The following COL17A1 variants were observed in gnomAD, a reference collection of about 807,000 sequenced individuals.
The protein encoded by COL17A1 is collagen alpha-1(XVII) chain.
COL17A1 carries 181 observed loss-of-function variants against 218.4 expected under a neutral mutation model. That is an observed-to-expected ratio of 0.83 (90% confidence interval 0.73 to 0.94). The LOEUF (loss-of-function observed/expected upper bound fraction) is 0.94, where lower values mean the gene tolerates loss of function less well. COL17A1 is among the 40% of genes least tolerant of loss of function. The probability of loss-of-function intolerance (pLI) is 0.00; values close to 1 mark genes in which losing one functional copy is unlikely to be tolerated. For missense variants in COL17A1, 1,924 were observed against 1,945.9 expected, an observed-to-expected ratio of 0.99 and a Z score of 0.21; for synonymous variants, 721 against 731.0, an observed-to-expected ratio of 0.99 and a Z score of 0.22.
intron 18 of COL17A1, 136 bp from the exon 19 acceptor site, chr10:104,055,537 T>C (rs2086514358): frequency 7.0e-7 from 1 of 1,427,262 alleles, no homozygotes; most frequent in Non-Finnish European, 9.6e-7. Context: ...AGAGATCAGA[T>C]TCTAAATTTG....
intron 24 of COL17A1, 152 bp from the exon 25 acceptor site, chr10:104,051,668 T>C: frequency 2.2e-6 from 2 of 924,936 alleles, no homozygotes; most frequent in Non-Finnish European, 1.7e-6. Context: ...CCAGTGCATG[T>C]CCTCCTTAGG....
At chr10:104,047,271 T>C (rs1254399018) in intron 31 of COL17A1, among the ~76,000 whole-genome samples, 1 of 150,906 alleles carries the variant, frequency 6.6e-6, no homozygotes, top group Non-Finnish European at 1.5e-5. Context: ...GTGGAGACTC[T>C]AACAATGGCT....
chr10:104,042,349 C>G (rs1174169255), intron 36 of COL17A1, 71 bp downstream of exon 36: 9 of 1,504,184 alleles, frequency 6.0e-6, no homozygotes, highest in African/African-American at 1.4e-5. Flanking sequence ...CAGAGAGGCC[C>G]ATGTCCACCC....
intron 32 of COL17A1, among the ~76,000 whole-genome samples, chr10:104,046,072 A>G (rs929710346): frequency 2.0e-5 from 3 of 152,158 alleles, no homozygotes; most frequent in African/African-American, 7.2e-5. Context: ...GTTATGAGCC[A>G]CCTGGAGCCT....
At position 104,037,654 on chromosome 10, in the gene COL17A1, C is replaced by T. The variant is rs567623265; in HGVS notation, c.3190G>A (p.Val1064Ile). The change falls in exon 46 of 56, where the codon GTT becomes ATT. Residue 1064 changes from valine (V) to isoleucine (I), a missense_variant. Physicochemically the swap from Val to Ile is conservative, Grantham distance 29. Transcript: ENST00000648076. ...TFDYSELASH[V>I]VSYLRTSGYG... ...GGCTTACTCCGTAAGTAGCTCACAA[C>T]GTGGCTTGCCAGCTCTGAGTAGTCG... 1.7e-4 allele frequency: 271 copies of T among 1,614,206 alleles called. 1 individual carries two copies. The South Asian group carries it at 2.7e-3, about 16-fold the overall frequency.
At chr10:104,043,464 A>G in intron 35 of COL17A1, 37 bp downstream of exon 35, 2 of 1,574,360 alleles carry the variant, frequency 1.3e-6, no homozygotes, top group Non-Finnish European at 1.7e-6. Flanking sequence ...GCCAAGACCT[A>G]TTGCTGATTT....
intron 52 of COL17A1, 128 bp downstream of exon 52, chr10:104,033,817 G>T: frequency 7.0e-7 from 1 of 1,420,150 alleles, no homozygotes; most frequent in Non-Finnish European, 9.7e-7. Context: ...GGGGCTGCCT[G>T]TCCCCTCCAG....
At position 104,061,416 on chromosome 10, in the gene COL17A1, G is replaced by T; in HGVS notation, c.968C>A (p.Ser323Tyr). Residue 323 changes from serine (S) to tyrosine (Y), a missense_variant, in exon 13 of 56, where the codon TCC (serine) becomes TAC (tyrosine). Ser to Tyr is a moderately radical substitution (Grantham distance 144). Coordinates refer to ENST00000648076, the MANE Select transcript of COL17A1 (RefSeq NM_000494.4). The part of the protein sequence containing the change: ...QSPAAVNTGV[S>Y]TSAACTTSVQ... Reference sequence around the variant, plus strand: ...GGAGCAGCACTCACCGGCGGAGGTGGAAACGCCAGTGTTCACAGCCGCAGG... The same window carrying T: ...GGAGCAGCACTCACCGGCGGAGGTGTAAACGCCAGTGTTCACAGCCGCAGG... 1 of 1,613,480 alleles carries T rather than the reference G, an allele frequency of 6.2e-7. No individual in the cohort carries two copies.
intron 19 of COL17A1, 111 bp from the exon 20 acceptor site, chr10:104,055,118 G>A (rs888774391): frequency 6.4e-7 from 1 of 1,554,644 alleles, no homozygotes; most frequent in Middle Eastern, 1.7e-4. Context: ...TTCAAGGTGA[G>A]GCGACATGCG....
intron 27 of COL17A1, 39 bp downstream of exon 27, chr10:104,050,582 C>T (rs371620314): frequency 1.8e-4 from 285 of 1,612,360 alleles, no homozygotes; most frequent in Non-Finnish European, 2.2e-4. Context: ...AGGAGTGAGG[C>T]AGGCCCTGGT....
At chr10:104,034,892 A>C in intron 50 of COL17A1, 125 bp from the exon 51 acceptor site, 1 of 1,180,218 alleles carries the variant, frequency 8.5e-7, no homozygotes, top group Non-Finnish European at 1.2e-6. Flanking sequence ...CTCCCGGGTG[A>C]TGGGAGGAGA....
intron 50 of COL17A1, 147 bp downstream of exon 50, chr10:104,035,116 G>T: frequency 1.3e-6 from 1 of 767,428 alleles, no homozygotes. Flanking sequence ...AAGGCCCCTT[G>T]CCAGCACATG....
At chr10:104,061,509 G>A (rs968010222) in intron 12 of COL17A1, 36 bp from the exon 13 acceptor site, 2 of 1,598,474 alleles carry the variant, frequency 1.3e-6, no homozygotes, top group South Asian at 1.1e-5. Flanking sequence ...ATGGGAGGGT[G>A]GTTCCAGGTG....
intron 40 of COL17A1, 138 bp from the exon 41 acceptor site, chr10:104,040,137 C>T (rs2086343793): frequency 9.3e-7 from 1 of 1,073,876 alleles, no homozygotes; most frequent in African/African-American, 1.6e-5. Context: ...TCTCCTCTCA[C>T]TAGGCCAATG....
Position 104,034,080 on chromosome 10 carries a change from T to C in COL17A1, c.4021A>G (p.Ile1341Val), listed in dbSNP as rs375362080. ...AGDRGPYGTD[I>V]GPGGGYGAAA... ...GCCCCATAGCCTCCGCCTGGGCCGATGTCAGTGCCATAGGGACCCCTGTCT... is the reference window on the plus strand; with the variant it reads ...GCCCCATAGCCTCCGCCTGGGCCGACGTCAGTGCCATAGGGACCCCTGTCT... Residue 1341 changes from isoleucine (I) to valine (V), a missense_variant, in exon 52 of 56, where the codon ATC becomes GTC. Transcript: ENST00000648076. 2 of 1,614,012 alleles carry C rather than the reference T, an allele frequency of 1.2e-6. No homozygotes were observed. Among genetic ancestry groups the C allele is most frequent in the African/African-American group, 2.7e-5 (2 of 74,938 alleles).
rs1328222121 is a variant in COL17A1, at chr10:104,037,132, C to T, written c.3209-19G>A. On this transcript the variant is annotated intron_variant, in intron 46 of 55. Transcript: ENST00000648076. Reference sequence around the variant, plus strand: ...CCCGAAGCTGTCGGGAAGAAAACCTCAGGTTACCTGCTTAGCAGGTACTGA... The same window carrying T: ...CCCGAAGCTGTCGGGAAGAAAACCTTAGGTTACCTGCTTAGCAGGTACTGA... The T allele has an allele frequency of 1.9e-6, 3 of 1,594,808 alleles. No individual in the cohort carries two copies. The highest frequency in any genetic ancestry group is 2.6e-6 in the Non-Finnish European group (3 of 1,170,408).
At chr10:104,040,071 G>A (rs1304790847) in intron 40 of COL17A1, 72 bp from the exon 41 acceptor site, 6 of 1,534,070 alleles carry the variant, frequency 3.9e-6, no homozygotes, top group Non-Finnish European at 5.4e-6. Flanking sequence ...GCCCATGGAG[G>A]AGGGGATAGG....
At chr10:104,049,514 G>C (rs1222417187) in intron 28 of COL17A1, 43 bp from the exon 29 acceptor site, 1 of 1,596,720 alleles carries the variant, frequency 6.3e-7, no homozygotes, top group Non-Finnish European at 8.6e-7. Flanking sequence ...CTTGCAAGCT[G>C]TGTATGCTTT....
Position 104,039,755 on chromosome 10 carries a change from A to T in COL17A1, c.2789-115T>A. On this transcript the variant is annotated intron_variant, in intron 41 of 55. Transcript: ENST00000648076. ...GGGGCTGCGTTGCCCTTTGGGCAGT[A>T]CCTAGAGATGCCACACACACACACA... 2.2e-6 allele frequency: 3 copies of T among 1,356,730 alleles called. No individual in the cohort carries two copies. In the Middle Eastern group the frequency reaches 5.9e-4, roughly 266 times the overall value. 84.0% of individuals were successfully genotyped at this position (1,356,730 alleles called of 1,614,324 possible).
Sources: gnomAD v4.1 joint callset for allele counts (sites outside exome capture counted in the v4.1 genomes callset) on GRCh38, gnomAD v4.1.1 for gene constraint, MANE v1.5 for transcripts, NCBI Gene and HGNC (gene_info 2026-07-23, HGNC 2026-07-21) for gene names.